The following KLHL13 variants were observed in gnomAD, a reference collection of about 807,000 sequenced individuals.
KLHL13 encodes the protein kelch-like protein 13.
Under a neutral mutation model 37.1 loss-of-function variants are expected in KLHL13, and 10 were observed. That is an observed-to-expected ratio of 0.27 (90% CI 0.17 to 0.46). The LOEUF is 0.46. Among genes scored for constraint, KLHL13 ranks in the 20% least tolerant of loss-of-function variants. The probability of loss-of-function intolerance (pLI) is 1.00; values close to 1 mark genes in which losing one functional copy is unlikely to be tolerated. For missense variants in KLHL13, 360 were observed against 509.3 expected (o/e 0.71, Z 2.82); for synonymous variants, 163 against 181.2 (o/e 0.90, Z 0.81).
intron 2 of KLHL13, among the ~76,000 whole-genome samples, chrX:117,927,851 G>A (rs1932170946): frequency 8.9e-6 from 1 of 111,788 alleles, no homozygotes; most frequent in African/African-American, 3.3e-5. Flanking sequence ...CTACCAAGGG[G>A]TAACAGGAGG....
At chrX:117,971,937 C>T (rs2053529550) in intron 1 of KLHL13, among the ~76,000 whole-genome samples, 2 of 111,460 alleles carry the variant, frequency 1.8e-5, no homozygotes, top group African/African-American at 6.5e-5. Context: ...TTTCCTCCAC[C>T]AAAAAGGATC....
intron 4 of KLHL13, among the ~76,000 whole-genome samples, chrX:117,918,394 T>C (rs539322459): frequency 1.8e-5 from 2 of 111,717 alleles, no homozygotes; most frequent in South Asian, 3.8e-4. Context: ...GAAGGTTCCA[T>C]GTTCAAAAAA....
At chrX:118,005,696 G>A (rs1163680150) in intron 1 of KLHL13, among the ~76,000 whole-genome samples, 2 of 111,610 alleles carry the variant, frequency 1.8e-5, no homozygotes, top group African/African-American at 6.5e-5. Flanking sequence ...TGGACGCTGG[G>A]AAAGGCAAGG....
intron 1 of KLHL13, among the ~76,000 whole-genome samples, chrX:118,008,753 G>C (rs1405116591): frequency 9.0e-6 from 1 of 111,486 alleles, no homozygotes; most frequent in Non-Finnish European, 1.9e-5. Flanking sequence ...TCTGGAGCTA[G>C]ACTTCCTGCA....
At chrX:117,909,009 T>A (rs1930783012) in intron 5 of KLHL13, among the ~76,000 whole-genome samples, 1 of 111,859 alleles carries the variant, frequency 8.9e-6, no homozygotes, top group Non-Finnish European at 1.9e-5. Context: ...ATAATTTAAA[T>A]GAGCTAAGTA....
chrX:117,905,507 A>G (rs1362830560), intron 5 of KLHL13, among the ~76,000 whole-genome samples: 1 of 91,450 alleles, frequency 1.1e-5, no homozygotes, highest in South Asian at 4.2e-4. Context: ...TAGTGCGTGC[A>G]CACACACACA....
intron 1 of KLHL13, among the ~76,000 whole-genome samples, chrX:118,093,753 T>C (rs2055166737): frequency 9.0e-6 from 1 of 111,451 alleles, no homozygotes; most frequent in South Asian, 3.8e-4. Flanking sequence ...CTTATAATAA[T>C]GTATGATGCC....
rs759699712 is a variant in KLHL13 at position 118,097,738 on chromosome X, C to T, written c.-56+18770G>A. Among the ~76,000 whole-genome samples the T allele has an allele frequency of 8.0e-3, 885 of 111,176 alleles. 13 individuals carry two copies. Among genetic ancestry groups the T allele is most frequent in the African/African-American group, 0.026 (790 of 30,523 alleles). ...ACTGGTACCAAAACAGAGATATAGA[C>T]CAATGGAACAGAACAGAGCCCTCAG... On this transcript the variant is annotated intron_variant, in intron 1 of 6. Transcript: ENST00000371882.
upstream of KLHL13, chrX:118,117,316 C>T (rs2055483733): frequency 8.9e-6 from 1 of 112,301 alleles, no homozygotes; most frequent in Non-Finnish European, 1.9e-5. Context: ...CTGACCCAGG[C>T]TCTCACACAA....
chrX:117,933,904 G>T (rs1247613337), intron 2 of KLHL13, among the ~76,000 whole-genome samples: 1 of 109,872 alleles, frequency 9.1e-6, no homozygotes, highest in Non-Finnish European at 1.9e-5. Flanking sequence ...AACAGAAGAG[G>T]TACCATCCAT....
At chrX:117,996,098 T>C (rs2053851344) in intron 1 of KLHL13, among the ~76,000 whole-genome samples, 1 of 112,106 alleles carries the variant, frequency 8.9e-6, no homozygotes, top group South Asian at 3.7e-4. Flanking sequence ...GGACTTTGTA[T>C]AGCACACTTT....
chrX:117,922,211 G>C (rs770501467), intron 2 of KLHL13, among the ~76,000 whole-genome samples: 7 of 111,420 alleles, frequency 6.3e-5, no homozygotes, highest in Non-Finnish European at 1.3e-4. Flanking sequence ...TTTTGAGACA[G>C]AGTCTCGCTC....
intron 1 of KLHL13, among the ~76,000 whole-genome samples, chrX:118,027,868 T>C (rs1229185512): frequency 1.8e-5 from 2 of 111,569 alleles, no homozygotes; most frequent in African/African-American, 6.5e-5. Context: ...AAATGTTTCA[T>C]CCAAACTGTA....
At chrX:117,902,050 A>G (rs1013989172) in intron 5 of KLHL13, 104 bp from the exon 7 acceptor site, 4 of 445,076 alleles carry the variant, frequency 9.0e-6, no homozygotes, top group Non-Finnish European at 1.6e-5. Context: ...CACTTGAAAC[A>G]TATCTATTAT....
At chrX:118,113,741 C>T (rs143323401) in intron 1 of KLHL13, among the ~76,000 whole-genome samples, 1 of 111,914 alleles carries the variant, frequency 8.9e-6, no homozygotes, top group African/African-American at 3.3e-5. Context: ...ATTTTCATTG[C>T]TCTTACTACA....
chrX:117,951,179 T>C (rs182099864), intron 1 of KLHL13, among the ~76,000 whole-genome samples: 1 of 111,826 alleles, frequency 8.9e-6, no homozygotes, highest in Admixed American at 9.5e-5. Context: ...GAACATGTTT[T>C]GAAAAAATCG....
chrX:118,072,814 G>A (rs2054885267), intron 1 of KLHL13, among the ~76,000 whole-genome samples: 1 of 111,659 alleles, frequency 9.0e-6, no homozygotes, highest in South Asian at 3.8e-4. Flanking sequence ...GGAGAAAGAG[G>A]CTGGGCATAG....
chrX:118,021,158 AT>A lies in KLHL13; in HGVS notation c.-55-75584del, dbSNP rs2054204647. Among the ~76,000 whole-genome samples the A allele has an allele frequency of 6.5e-5, 7 of 107,444 alleles. No homozygotes were observed. In the South Asian group the frequency reaches 3.2e-3, roughly 49 times the overall value. The allele number at this position is 107,444 out of a possible 115,157, so 93.3% of individuals were successfully genotyped here. ...AAGTATAATAATAAAAAAATACAGT[AT>A]TTTTTGTTCGATATCTGCCTTATTT... On this transcript the variant is annotated intron_variant, in intron 1 of 6. Transcript: ENST00000371882.
At chrX:118,028,686 A>G (rs1040595148) in intron 1 of KLHL13, among the ~76,000 whole-genome samples, 189 bp from the exon 2 acceptor site, 1 of 112,325 alleles carries the variant, frequency 8.9e-6, no homozygotes, top group Non-Finnish European at 1.9e-5. Flanking sequence ...AACTGAAAGT[A>G]AAAATATCTA....
Sources: allele counts gnomAD v4.1 joint callset (sites outside exome capture counted in the v4.1 genomes callset), GRCh38; gene constraint gnomAD v4.1.1; transcripts MANE v1.5; gene names NCBI Gene and HGNC (gene_info 2026-07-23, HGNC 2026-07-21).